The following CSMD1 variants were observed in gnomAD, a reference collection of about 807,000 sequenced individuals.
CSMD1 encodes CUB and Sushi multiple domains 1.
CSMD1 carries 213 observed loss-of-function variants against 417.5 expected under a neutral mutation model. The ratio of observed to expected loss-of-function variants is 0.51; its 90% CI spans 0.46 to 0.57. The LOEUF is 0.57. Among genes scored for constraint, CSMD1 ranks in the 20% least tolerant of loss-of-function variants. CSMD1 has a pLI of 0.00. For missense variants in CSMD1, 6,923 were observed against 4,529.7 expected, an observed-to-expected ratio of 1.53 and a Z score of -15.17; for synonymous variants, 2,862 against 1,736.8, an observed-to-expected ratio of 1.65 and a Z score of -16.11.
At chr8:4,101,882 T>TAAC (rs1313123535) in intron 3 of CSMD1, among the ~76,000 whole-genome samples, 1 of 152,196 alleles carries the variant, frequency 6.6e-6, no homozygotes, top group South Asian at 2.1e-4. Flanking sequence ...ATCATCTTGT[T>TAAC]AACAACTACT....
intron 3 of CSMD1, among the ~76,000 whole-genome samples, chr8:4,259,109 C>T (rs965272496): frequency 3.9e-5 from 6 of 152,098 alleles, no homozygotes; most frequent in African/African-American, 1.4e-4. Flanking sequence ...TCTGAAAGGT[C>T]GTACTTTAAA....
At chr8:4,400,254 T>A (rs1804557044) in intron 3 of CSMD1, among the ~76,000 whole-genome samples, 1 of 152,204 alleles carries the variant, frequency 6.6e-6, no homozygotes, top group South Asian at 2.1e-4. Context: ...AAGTTCTGGC[T>A]CTCTGGTTTA....
In CSMD1 at chr8:4,283,612, C is replaced by T. The variant is rs142363932; in HGVS notation, c.415+136341G>A. 2.8e-3 allele frequency among the ~76,000 whole-genome samples: 427 copies of T among 152,224 alleles called. 8 individuals are homozygous for T. The highest frequency in any genetic ancestry group is 0.025 in the Admixed American group (380 of 15,278). ...TAGGAAACCCAGGTCCTTGGGGACA[C>T]GAAACTTTCCCAAGAAATGTGGGTA... On this transcript the variant is annotated intron_variant, in intron 3 of 69. Coordinates refer to ENST00000635120, the MANE Select transcript of CSMD1 (RefSeq NM_033225.6).
chr8:3,560,665 T>C (rs1365868711), intron 10 of CSMD1, among the ~76,000 whole-genome samples: 1 of 152,196 alleles, frequency 6.6e-6, no homozygotes, highest in Non-Finnish European at 1.5e-5. Context: ...TATTGTCTTT[T>C]ACTGTCTTCA....
Position 3,932,699 on chromosome 8 carries a change from T to C in CSMD1, c.818+65204A>G, listed in dbSNP as rs141620826. 1.4e-3 allele frequency among the ~76,000 whole-genome samples: 208 copies of C among 150,672 alleles called. 10 individuals carry two copies. Among genetic ancestry groups the C allele is most frequent in the African/African-American group, 4.2e-3 (173 of 40,940 alleles). On this transcript the variant is annotated intron_variant, in intron 5 of 69. Transcript: ENST00000635120. ...AATAAACTCATAAGATCGTAATTCA[T>C]TGTGGTGGACTCTAATGTTAATTGA...
At chr8:4,821,076 C>T (rs758121358) in intron 1 of CSMD1, among the ~76,000 whole-genome samples, 1 of 151,922 alleles carries the variant, frequency 6.6e-6, no homozygotes, top group Non-Finnish European at 1.5e-5. Flanking sequence ...AAGAGATCTT[C>T]CTTAAGTGTA....
At chr8:4,563,165 G>A (rs937474865) in intron 2 of CSMD1, among the ~76,000 whole-genome samples, 3 of 152,202 alleles carry the variant, frequency 2.0e-5, no homozygotes, top group African/African-American at 7.2e-5. Flanking sequence ...ACTTTCGGAG[G>A]CCGAGGCAGG....
intron 3 of CSMD1, among the ~76,000 whole-genome samples, chr8:4,222,250 G>C (rs1338348912): frequency 6.6e-6 from 1 of 152,146 alleles, no homozygotes; most frequent in African/African-American, 2.4e-5. Flanking sequence ...TGATGGGTCA[G>C]CTAATCTTTT....
chr8:4,684,419 C>T (rs1295777834), intron 1 of CSMD1, among the ~76,000 whole-genome samples: 2 of 152,142 alleles, frequency 1.3e-5, no homozygotes, highest in East Asian at 1.9e-4. Context: ...CCTTAAAGCT[C>T]GCATCTTGCT....
intron 1 of CSMD1, among the ~76,000 whole-genome samples, chr8:4,767,574 T>A (rs1242781352): frequency 6.6e-6 from 1 of 152,154 alleles, no homozygotes; most frequent in Non-Finnish European, 1.5e-5. Flanking sequence ...CTCTCCTCCC[T>A]TTCCGCATTC....
chr8:3,735,651 C>G, intron 6 of CSMD1, among the ~76,000 whole-genome samples: 1 of 152,176 alleles, frequency 6.6e-6, no homozygotes, highest in Non-Finnish European at 1.5e-5. Context: ...CCCTGGTTCA[C>G]TCGGCTGAGA....
At chr8:3,659,010 G>A (rs187924946) in intron 7 of CSMD1, among the ~76,000 whole-genome samples, 51 of 152,138 alleles carry the variant, frequency 3.4e-4, no homozygotes, top group South Asian at 1.0e-3. Context: ...ATACTTCTAG[G>A]TCCTCAGAGC....
chr8:4,496,069 T>C (rs991220675), intron 2 of CSMD1, among the ~76,000 whole-genome samples: 2 of 152,196 alleles, frequency 1.3e-5, no homozygotes, highest in African/African-American at 2.4e-5. Context: ...TTTGTTCCAC[T>C]TAAATGATGC....
intron 52 of CSMD1, among the ~76,000 whole-genome samples, chr8:3,007,216 A>G (rs547640723): frequency 0.048 from 7,172 of 149,758 alleles, 148 homozygotes; most frequent in East Asian, 0.067. Context: ...AATCAAAACC[A>G]CAATGAGATA....
At chr8:4,492,765 C>T (rs1009890526) in intron 2 of CSMD1, among the ~76,000 whole-genome samples, 1 of 152,184 alleles carries the variant, frequency 6.6e-6, no homozygotes, top group Non-Finnish European at 1.5e-5. Context: ...CTCTATGGGA[C>T]ACAAATCTCT....
chr8:4,913,968 G>C (rs374469711), intron 1 of CSMD1, among the ~76,000 whole-genome samples: 1 of 152,164 alleles, frequency 6.6e-6, no homozygotes, highest in Non-Finnish European at 1.5e-5. Flanking sequence ...AGCCAATTAA[G>C]ATTTTAAACT....
chr8:4,992,947 G>C (rs989354929), intron 1 of CSMD1, among the ~76,000 whole-genome samples: 1 of 152,212 alleles, frequency 6.6e-6, no homozygotes, highest in African/African-American at 2.4e-5. Context: ...AGCTGGTGCT[G>C]AGCGGTCAGC....
intron 3 of CSMD1, among the ~76,000 whole-genome samples, chr8:4,064,792 C>T (rs894902690): frequency 3.5e-4 from 54 of 152,156 alleles, no homozygotes; most frequent in African/African-American, 1.3e-3. Flanking sequence ...AACAGCCTTC[C>T]TGTACTCCCG....
intron 25 of CSMD1, 87 bp downstream of exon 25, chr8:3,307,608 G>T: frequency 1.4e-6 from 2 of 1,387,384 alleles, no homozygotes; most frequent in Non-Finnish European, 2.0e-6. Context: ...CTTTAACCAT[G>T]GATATTTGGT....
Sources: gnomAD v4.1 joint callset for allele counts (sites outside exome capture counted in the v4.1 genomes callset) on GRCh38, gnomAD v4.1.1 for gene constraint, MANE v1.5 for transcripts, NCBI Gene and HGNC (gene_info 2026-07-23, HGNC 2026-07-21) for gene names.